The following HIBADH variants were observed in gnomAD, a reference collection of about 807,000 sequenced individuals.
HIBADH encodes the protein 3-hydroxyisobutyrate dehydrogenase, mitochondrial.
A neutral mutation model predicts 36.1 loss-of-function variants in HIBADH; 25 were observed. The observed-to-expected ratio is 0.69, with a 90% CI of 0.50 to 0.97. The LOEUF is 0.97. Among genes scored for constraint, HIBADH ranks in the 50% least tolerant of loss-of-function variants. The pLI is 0.00. For synonymous variants in HIBADH, 160 were observed against 149.5 expected (o/e 1.07, Z -0.51); for missense variants, 421 against 418.0 (o/e 1.01, Z -0.06).
At chr7:27,547,336 C>T (rs1470732660) in intron 4 of HIBADH, among the ~76,000 whole-genome samples, 9 of 152,202 alleles carry the variant, frequency 5.9e-5, no homozygotes, top group Admixed American at 5.9e-4. Context: ...CCTGACCACT[C>T]AACCTAACAA....
intron 7 of HIBADH, among the ~76,000 whole-genome samples, chr7:27,527,768 G>C (rs867434353): frequency 1.2e-4 from 5 of 41,382 alleles, no homozygotes; most frequent in African/African-American, 5.6e-4. Context: ...TTTTTTTTTT[G>C]AGACGGAGTT....
intron 4 of HIBADH, among the ~76,000 whole-genome samples, chr7:27,566,926 A>T (rs1261256904): frequency 6.6e-6 from 1 of 152,094 alleles, no homozygotes; most frequent in Non-Finnish European, 1.5e-5. Context: ...GTTCTTTTCA[A>T]ATTGTTAAGG....
intron 4 of HIBADH, among the ~76,000 whole-genome samples, chr7:27,608,728 A>G (rs368228530): frequency 2.0e-5 from 3 of 152,366 alleles, no homozygotes; most frequent in South Asian, 2.1e-4. Flanking sequence ...TAAATTGTAC[A>G]TAAGTAATAG....
intron 7 of HIBADH, among the ~76,000 whole-genome samples, chr7:27,529,299 A>G (rs1303895026): frequency 6.6e-6 from 1 of 152,220 alleles, no homozygotes; most frequent in Non-Finnish European, 1.5e-5. Flanking sequence ...TCATAAGGCA[A>G]TAGCTACCAT....
At chr7:27,556,790 C>G (rs1205087379) in intron 4 of HIBADH, among the ~76,000 whole-genome samples, 1 of 152,150 alleles carries the variant, frequency 6.6e-6, no homozygotes, top group Non-Finnish European at 1.5e-5. Context: ...GTTTTAATCA[C>G]TGTAACTTTA....
chr7:27,545,902 A>C (rs1562616662), intron 4 of HIBADH, among the ~76,000 whole-genome samples: 1 of 152,088 alleles, frequency 6.6e-6, no homozygotes, highest in Admixed American at 6.5e-5. Flanking sequence ...ATACTCAACA[A>C]ATGGTTGGCT....
intron 4 of HIBADH, among the ~76,000 whole-genome samples, chr7:27,568,753 G>A (rs1173700696): frequency 6.6e-6 from 1 of 152,160 alleles, no homozygotes; most frequent in Non-Finnish European, 1.5e-5. Flanking sequence ...TTACAGGCGT[G>A]AGCCAGCACC....
intron 4 of HIBADH, among the ~76,000 whole-genome samples, chr7:27,613,138 ATAAATATAT>A (rs1333044414): frequency 4.2e-5 from 5 of 120,344 alleles, no homozygotes; most frequent in Admixed American, 1.0e-4. Flanking sequence ...ATATATTTAT[ATAAATATAT>A]TTTATATAAA....
chr7:27,650,645 A>C (rs1786170300), intron 1 of HIBADH, among the ~76,000 whole-genome samples: 3 of 148,094 alleles, frequency 2.0e-5, no homozygotes, highest in Admixed American at 1.4e-4. Flanking sequence ...GACACGCACC[A>C]CCATGCCTGG....
At position 27,647,279 on chromosome 7, in the gene HIBADH, G is replaced by C. The variant is rs895976572; in HGVS notation, c.252+2194C>G. Among the ~76,000 whole-genome samples the C allele has an allele frequency of 1.1e-4, 17 of 152,174 alleles. No homozygotes were observed. The East Asian group carries it at 1.5e-3, about 14-fold the overall frequency. On this transcript the variant is annotated intron_variant, in intron 2 of 7. Coordinates refer to ENST00000265395, the MANE Select transcript of HIBADH (RefSeq NM_152740.4). ...GATGATTCACATCCAGGTTGGGACA[G>C]AGCTGGACAGCACAAGATTTCATCA...
intron 4 of HIBADH, among the ~76,000 whole-genome samples, chr7:27,570,933 TATC>T (rs1165850778): frequency 1.3e-5 from 2 of 152,184 alleles, no homozygotes; most frequent in South Asian, 2.1e-4. Flanking sequence ...AATTCTCAGA[TATC>T]ATCATGTTGA....
At chr7:27,642,683 G>C (rs1193985580) in intron 2 of HIBADH, among the ~76,000 whole-genome samples, 2 of 121,064 alleles carry the variant, frequency 1.7e-5, no homozygotes, top group Admixed American at 1.2e-4. Context: ...ACGGAGTCTC[G>C]CTCTGTCGCC....
intron 2 of HIBADH, among the ~76,000 whole-genome samples, chr7:27,645,378 T>G (rs1003151561): frequency 7.1e-5 from 9 of 127,018 alleles, no homozygotes; most frequent in Middle Eastern, 3.9e-3. Flanking sequence ...ATTTTTTTTT[T>G]TTTTTTTTTT....
At chr7:27,580,876 C>T (rs1784777251) in intron 4 of HIBADH, among the ~76,000 whole-genome samples, 2 of 152,124 alleles carry the variant, frequency 1.3e-5, no homozygotes, top group South Asian at 4.1e-4. Context: ...AGTAGAAAGG[C>T]TGACTTCAGA....
chr7:27,532,375 A>G (rs1042137537), intron 6 of HIBADH, among the ~76,000 whole-genome samples: 1 of 152,242 alleles, frequency 6.6e-6, no homozygotes, highest in Non-Finnish European at 1.5e-5. Context: ...AACACTGAAA[A>G]GAGACACTTA....
chr7:27,643,929 T>C (rs775975309), intron 2 of HIBADH, among the ~76,000 whole-genome samples: 1 of 152,230 alleles, frequency 6.6e-6, no homozygotes, highest in Non-Finnish European at 1.5e-5. Context: ...ACACTTGTCA[T>C]TAGCTTTAGG....
intron 2 of HIBADH, among the ~76,000 whole-genome samples, chr7:27,638,998 C>A (rs1221686468): frequency 6.6e-6 from 1 of 152,112 alleles, no homozygotes; most frequent in Non-Finnish European, 1.5e-5. Context: ...GGTGGGAATG[C>A]AAATTAGATG....
intron 4 of HIBADH, among the ~76,000 whole-genome samples, chr7:27,612,083 C>G (rs1785330545): frequency 1.3e-5 from 2 of 152,070 alleles, no homozygotes; most frequent in Admixed American, 6.5e-5. Context: ...AGGCAAAGGA[C>G]TTTGAGTATC....
intron 1 of HIBADH, among the ~76,000 whole-genome samples, chr7:27,651,326 T>C (rs1308449099): frequency 1.3e-5 from 2 of 152,224 alleles, no homozygotes; most frequent in Non-Finnish European, 2.9e-5. Context: ...TGCAACATCA[T>C]TTAACAGGCG....
Sources: allele counts gnomAD v4.1 joint callset (sites outside exome capture counted in the v4.1 genomes callset), GRCh38; gene constraint gnomAD v4.1.1; transcripts MANE v1.5; gene names NCBI Gene and HGNC (gene_info 2026-07-23, HGNC 2026-07-21).